TENM1: variants seen among roughly 807,000 people sequenced by gnomAD.
TENM1 encodes the protein teneurin transmembrane protein 1, also known as teneurin-1.
TENM1 carries 35 observed loss-of-function variants against 174.8 expected under a neutral mutation model. The ratio of observed to expected loss-of-function variants is 0.20; its 90% confidence interval spans 0.15 to 0.27. TENM1 has a LOEUF of 0.27. Ranked by LOEUF, TENM1 falls within the 10% of genes least tolerant of loss-of-function variation. TENM1 has a pLI of 1.00. For missense variants in TENM1, 1,633 were observed against 2,130.1 expected, an observed-to-expected ratio of 0.77 and a Z score of 4.59; for synonymous variants, 781 against 798.7, an observed-to-expected ratio of 0.98 and a Z score of 0.37.
chrX:125,012,505 A>G, the TENM1 span, among the ~76,000 whole-genome samples: 1 of 112,391 alleles, frequency 8.9e-6, no homozygotes, highest in East Asian at 2.8e-4. Context: ...ATCGTACTTT[A>G]GAATAAAAGC....
the TENM1 span, among the ~76,000 whole-genome samples, chrX:125,008,421 C>T: frequency 8.9e-6 from 1 of 111,751 alleles, no homozygotes; most frequent in Non-Finnish European, 1.9e-5. Context: ...TAGACTCCTA[C>T]ACAATAACAG....
At chrX:124,380,804 G>T (rs766825445) in exon 32 of TENM1, 1 of 1,211,535 alleles carries the variant, frequency 8.3e-7, no homozygotes, top group East Asian at 3.0e-5. Context: ...TTCGACAGTT[G>T]TCCCATACCG....
the TENM1 span, among the ~76,000 whole-genome samples, chrX:124,978,991 C>A: frequency 8.9e-6 from 1 of 112,035 alleles, no homozygotes; most frequent in Non-Finnish European, 1.9e-5. Context: ...CCCCACCGGC[C>A]CAAGTTTGAG....
intron 23 of TENM1, among the ~76,000 whole-genome samples, chrX:124,448,061 T>G (rs1433128218): frequency 8.9e-6 from 1 of 111,890 alleles, no homozygotes; most frequent in Non-Finnish European, 1.9e-5. Flanking sequence ...TTGTATTCCC[T>G]GTACCAGTGA....
At position 124,450,307 on chromosome X, in the gene TENM1, C is replaced by A. The variant is rs1291918860; in HGVS notation, c.4104+3030G>T. On this transcript the variant is annotated intron_variant, in intron 23 of 31. Transcript: ENST00000422452. Reference sequence around the variant, plus strand: ...CCCGGGAGGCGGAGCTTGCAGTGAGCCGAGATTGCGCCACTGCACTCCCGC... The same window carrying A: ...CCCGGGAGGCGGAGCTTGCAGTGAGACGAGATTGCGCCACTGCACTCCCGC... Among the ~76,000 whole-genome samples, 3 of 107,155 alleles carry A rather than the reference C, an allele frequency of 2.8e-5. No individual in the cohort carries two copies. In the East Asian group the frequency reaches 8.9e-4, roughly 32 times the overall value. The allele number at this position is 107,155 out of a possible 115,157, so 93.1% of individuals were successfully genotyped here. A position where few individuals can be genotyped will look rare whatever the true frequency, so the allele number is the denominator to read the frequency against.
chrX:124,627,132 G>A lies in TENM1; in HGVS notation c.2077+14659C>T, dbSNP rs189178685. 1.3e-3 allele frequency among the ~76,000 whole-genome samples: 143 copies of A among 111,475 alleles called. 1 individual carries two copies. The highest frequency in any genetic ancestry group is 4.6e-3 in the African/African-American group (140 of 30,730). ...GCTGAGAGGTGGTGATGGATTGAGA[G>A]GCTTTCACACACTATGGGCATTCCA... On this transcript the variant is annotated intron_variant, in intron 11 of 31. Transcript: ENST00000422452.
chrX:124,640,122 T>C (rs894701258), intron 11 of TENM1, among the ~76,000 whole-genome samples: 1 of 110,873 alleles, frequency 9.0e-6, no homozygotes, highest in African/African-American at 3.3e-5. Context: ...TATAGAGATA[T>C]ACATATCTAT....
At chrX:125,078,139 C>G in the TENM1 span, among the ~76,000 whole-genome samples, 1 of 111,205 alleles carries the variant, frequency 9.0e-6, no homozygotes, top group Non-Finnish European at 1.9e-5. Context: ...GAGGCAGGAG[C>G]AGCAGTCTGG....
intron 3 of TENM1, among the ~76,000 whole-genome samples, chrX:124,787,880 C>G (rs916759959): frequency 8.9e-6 from 1 of 111,765 alleles, no homozygotes; most frequent in African/African-American, 3.3e-5. Flanking sequence ...TAAAGACATA[C>G]CTGAGACTGG....
intron 11 of TENM1, among the ~76,000 whole-genome samples, chrX:124,623,168 A>G (rs112703139): frequency 8.9e-6 from 1 of 111,949 alleles, no homozygotes; most frequent in Non-Finnish European, 1.9e-5. Context: ...TTTATGTGTA[A>G]ATATGCATGG....
At chrX:124,464,561 G>A (rs2061220214) in intron 22 of TENM1, among the ~76,000 whole-genome samples, 2 of 111,992 alleles carry the variant, frequency 1.8e-5, no homozygotes, top group East Asian at 5.6e-4. Flanking sequence ...GTCAGGAGTG[G>A]TAGACAGTCA....
chrX:124,996,462 C>T, the TENM1 span, among the ~76,000 whole-genome samples: 9 of 108,301 alleles, frequency 8.3e-5, no homozygotes, highest in Non-Finnish European at 1.7e-4. Context: ...AACCCAGCAG[C>T]TGCTTACCAA....
At chrX:124,396,304 C>CTTTT (rs1257692658) in intron 27 of TENM1, among the ~76,000 whole-genome samples, 2 of 70,442 alleles carry the variant, frequency 2.8e-5, no homozygotes, top group South Asian at 6.3e-4. Flanking sequence ...CTCTCCCAAC[C>CTTTT]TTTTTTTTTT....
intron 1 of TENM1, among the ~76,000 whole-genome samples, chrX:124,913,505 T>C (rs765825179): frequency 4.5e-5 from 5 of 111,988 alleles, no homozygotes; most frequent in Non-Finnish European, 9.4e-5. Flanking sequence ...GCAATGGGCC[T>C]TCTTGATAAA....
chrX:125,058,406 A>C, the TENM1 span, among the ~76,000 whole-genome samples: 1 of 111,879 alleles, frequency 8.9e-6, no homozygotes, highest in Admixed American at 9.5e-5. Context: ...GCAATGCGGC[A>C]ATAACTTATC....
chrX:124,923,765 C>T (rs2058054901), intron 1 of TENM1, among the ~76,000 whole-genome samples: 1 of 111,644 alleles, frequency 9.0e-6, no homozygotes, highest in African/African-American at 3.3e-5. Flanking sequence ...GACATGAAAT[C>T]GCTGGCTTTG....
At chrX:124,756,953 C>T (rs2054268558) in intron 3 of TENM1, among the ~76,000 whole-genome samples, 1 of 112,214 alleles carries the variant, frequency 8.9e-6, no homozygotes, top group African/African-American at 3.2e-5. Context: ...CAGGGACCCA[C>T]TTGAGGAGGC....
chrX:124,611,518 A>C (rs969230687), intron 11 of TENM1, among the ~76,000 whole-genome samples: 5 of 111,975 alleles, frequency 4.5e-5, no homozygotes, highest in Admixed American at 1.9e-4. Context: ...CTCCTAAGGT[A>C]CTTTTAAAGA....
exon 17 of TENM1, chrX:124,523,482 T>C: frequency 1.7e-6 from 2 of 1,211,219 alleles, no homozygotes; most frequent in Non-Finnish European, 1.1e-6. Flanking sequence ...GGATGGCGGG[T>C]CTGATACAAC....
Sources: allele counts gnomAD v4.1 joint callset (sites outside exome capture counted in the v4.1 genomes callset), GRCh38; gene constraint gnomAD v4.1.1; transcripts MANE v1.5; gene names NCBI Gene and HGNC (gene_info 2026-07-23, HGNC 2026-07-21).